The following TNKS variants were observed in gnomAD, a reference collection of about 807,000 sequenced individuals.
TNKS encodes the protein tankyrase, also known as poly [ADP-ribose] polymerase tankyrase-1.
A neutral mutation model predicts 135.8 loss-of-function variants in TNKS; 72 were observed. The observed-to-expected ratio is 0.53, with a 90% confidence interval of 0.44 to 0.64. The LOEUF is 0.64. Among genes scored for constraint, TNKS ranks in the 30% least tolerant of loss-of-function variants. The pLI is 0.00. For synonymous variants in TNKS, 849 were observed against 649.3 expected (o/e 1.31, Z -4.68); for missense variants, 1,769 against 1,674.0 (o/e 1.06, Z -0.99).
chr8:9,658,514 C>G, intron 3 of TNKS: 1 of 492,632 alleles, frequency 2.0e-6, no homozygotes, highest in Non-Finnish European at 3.4e-6. Context: ...AAATAAAATC[C>G]TTTACAGACA....
At chr8:9,712,300 C>A (rs1804376786) in intron 11 of TNKS, among the ~76,000 whole-genome samples, 1 of 152,064 alleles carries the variant, frequency 6.6e-6, no homozygotes, top group Admixed American at 6.5e-5. Context: ...GGCAACACAG[C>A]AAGACACTAT....
At chr8:9,735,518 T>C (rs756030089) in intron 17 of TNKS, 32 bp downstream of exon 17, 2 of 1,575,514 alleles carry the variant, frequency 1.3e-6, no homozygotes, top group Non-Finnish European at 1.7e-6. Context: ...TCTAGAAAAC[T>C]GACCGCACGC....
At chr8:9,607,294 G>A (rs538858609) in intron 2 of TNKS, among the ~76,000 whole-genome samples, 1 of 152,264 alleles carries the variant, frequency 6.6e-6, no homozygotes, top group African/African-American at 2.4e-5. Flanking sequence ...GAAGACAGCA[G>A]GATTCTCTTT....
At chr8:9,704,824 A>C in intron 6 of TNKS, 67 bp downstream of exon 6, 1 of 1,283,114 alleles carries the variant, frequency 7.8e-7, no homozygotes, top group Non-Finnish European at 1.1e-6. Flanking sequence ...CTTTTAAAAC[A>C]CTAGACAAAG....
rs530901509 is a variant in TNKS at position 9,720,020 on chromosome 8, G to A, written c.1750-354G>A. Among the ~76,000 whole-genome samples the A allele has an allele frequency of 4.2e-4, 64 of 152,244 alleles. 1 individual carries two copies. Among genetic ancestry groups the A allele is most frequent in the South Asian group, 1.7e-3 (8 of 4,820 alleles). ...AGTTTGGTAAAAATCCATTCATTCA[G>A]AAGAATTTGGTGAGCATCCTCATTG... On this transcript the variant is annotated intron_variant, in intron 11 of 26. Coordinates refer to ENST00000310430, the MANE Select transcript of TNKS (RefSeq NM_003747.3).
chr8:9,714,835 T>C (rs1804525767), intron 11 of TNKS, among the ~76,000 whole-genome samples: 1 of 152,136 alleles, frequency 6.6e-6, no homozygotes, highest in Non-Finnish European at 1.5e-5. Context: ...TACTTGAAGT[T>C]GATATTACAG....
At chr8:9,627,163 G>A (rs1294466176) in intron 3 of TNKS, among the ~76,000 whole-genome samples, 1 of 152,186 alleles carries the variant, frequency 6.6e-6, no homozygotes, top group Admixed American at 6.5e-5. Context: ...TGAACATGTG[G>A]AGGTTCCTGG....
At chr8:9,680,700 G>A (rs1243127897) in intron 4 of TNKS, 25 bp from the exon 5 acceptor site, 1 of 1,525,178 alleles carries the variant, frequency 6.6e-7, no homozygotes, top group Non-Finnish European at 9.0e-7. Flanking sequence ...AATTTTAGAG[G>A]AATTGACTTA....
chr8:9,567,280 C>A (rs1179000158), intron 1 of TNKS, among the ~76,000 whole-genome samples: 1 of 152,180 alleles, frequency 6.6e-6, no homozygotes, highest in Non-Finnish European at 1.5e-5. Context: ...TTTGCAGTTA[C>A]TAGAATGTTG....
chr8:9,697,964 C>T (rs1803597620), intron 5 of TNKS, among the ~76,000 whole-genome samples: 2 of 152,058 alleles, frequency 1.3e-5, no homozygotes, highest in African/African-American at 4.8e-5. Context: ...TGTTCATTGC[C>T]ATGCCATTCA....
At chr8:9,582,734 G>C (rs769488063) in intron 2 of TNKS, among the ~76,000 whole-genome samples, 6 of 152,212 alleles carry the variant, frequency 3.9e-5, no homozygotes, top group Non-Finnish European at 7.3e-5. Flanking sequence ...ACCAGGTACA[G>C]TGTACATTCA....
At chr8:9,586,303 C>T (rs1460794241) in intron 2 of TNKS, among the ~76,000 whole-genome samples, 1 of 151,974 alleles carries the variant, frequency 6.6e-6, no homozygotes, top group Admixed American at 6.6e-5. Flanking sequence ...TATTTAATAC[C>T]ATAATTAAAG....
chr8:9,580,578 T>G (rs1563400974), intron 2 of TNKS, among the ~76,000 whole-genome samples, 195 bp downstream of exon 2: 1 of 152,220 alleles, frequency 6.6e-6, no homozygotes, highest in Non-Finnish European at 1.5e-5. Flanking sequence ...ACATTAACTT[T>G]CCAAATGCAG....
At chr8:9,562,880 C>G (rs1425637849) in intron 1 of TNKS, among the ~76,000 whole-genome samples, 3 of 148,752 alleles carry the variant, frequency 2.0e-5, no homozygotes, top group Non-Finnish European at 4.4e-5. Flanking sequence ...ACCAGATATT[C>G]TATTACAGTA....
intron 2 of TNKS, among the ~76,000 whole-genome samples, chr8:9,612,039 T>G (rs985943754): frequency 2.0e-5 from 3 of 152,198 alleles, no homozygotes; most frequent in African/African-American, 7.2e-5. Flanking sequence ...GGCTATAACT[T>G]TAAAAGCATT....
intron 3 of TNKS, among the ~76,000 whole-genome samples, chr8:9,636,208 GATGGAGGAT>G (rs1290910180): frequency 6.6e-6 from 1 of 152,188 alleles, no homozygotes; most frequent in African/African-American, 2.4e-5. Flanking sequence ...AAGTAGGTGA[GATGGAGGAT>G]ATGGAGGAGC....
chr8:9,632,692 C>T (rs576722781), intron 3 of TNKS, among the ~76,000 whole-genome samples: 1 of 152,084 alleles, frequency 6.6e-6, no homozygotes, highest in African/African-American at 2.4e-5. Context: ...TTTTCTTTTA[C>T]TTCTTTTACT....
At chr8:9,612,776 A>T (rs372731684) in intron 2 of TNKS, among the ~76,000 whole-genome samples, 5 of 152,288 alleles carry the variant, frequency 3.3e-5, no homozygotes, top group Middle Eastern at 3.4e-3. Flanking sequence ...TAAAATTCGA[A>T]TGTAACTTTC....
At chr8:9,660,705 C>G (rs183149089) in intron 3 of TNKS, among the ~76,000 whole-genome samples, 157 of 152,258 alleles carry the variant, frequency 1.0e-3, no homozygotes, top group African/African-American at 3.7e-3. Flanking sequence ...CTCACCAGTC[C>G]TATTCAACAT....
Sources: allele counts gnomAD v4.1 joint callset (sites outside exome capture counted in the v4.1 genomes callset), GRCh38; gene constraint gnomAD v4.1.1; transcripts MANE v1.5; gene names NCBI Gene and HGNC (gene_info 2026-07-23, HGNC 2026-07-21).